The following NELL1 variants were observed in gnomAD, a reference collection of about 807,000 sequenced individuals.
The protein encoded by NELL1 is neural EGFL like 1, also known as protein kinase C-binding protein NELL1.
Under a neutral mutation model 107.4 loss-of-function variants are expected in NELL1, and 76 were observed. That is an observed-to-expected ratio of 0.71 (90% CI 0.59 to 0.86). The LOEUF is 0.86. NELL1 is among the 40% of genes least tolerant of loss of function. NELL1 has a pLI of 0.00. For missense variants in NELL1, 1,024 were observed against 1,005.5 expected (o/e 1.02, Z -0.25); for synonymous variants, 353 against 341.2 (o/e 1.03, Z -0.38).
At chr11:21,481,150 G>T (rs1339569792) in intron 15 of NELL1, among the ~76,000 whole-genome samples, 1 of 152,184 alleles carries the variant, frequency 6.6e-6, no homozygotes, top group African/African-American at 2.4e-5. Context: ...GTTTAATGCA[G>T]AATCAAACTG....
chr11:21,049,874 C>T (rs1362771687), intron 12 of NELL1, among the ~76,000 whole-genome samples: 1 of 152,102 alleles, frequency 6.6e-6, no homozygotes, highest in Non-Finnish European at 1.5e-5. Flanking sequence ...GACGGTGTTT[C>T]ACCATATTGG....
chr11:20,936,982 G>C lies in NELL1; in HGVS notation c.998-804G>C, dbSNP rs72937296. On this transcript the variant is annotated intron_variant, in intron 9 of 19. Coordinates refer to ENST00000357134, the MANE Select transcript of NELL1 (RefSeq NM_006157.5). ...GCTAGAAGGGTCCTCATCAGGGCAG[G>C]AGAGGGAGTGACCAGATACTTGCTT... 3.3e-3 allele frequency among the ~76,000 whole-genome samples: 503 copies of C among 152,024 alleles called. 4 individuals are homozygous for C. The highest frequency in any genetic ancestry group is 3.2e-3 in the Non-Finnish European group (219 of 67,950).
At chr11:20,678,202 G>T in intron 2 of NELL1, 142 bp downstream of exon 2, 1 of 914,486 alleles carries the variant, frequency 1.1e-6, no homozygotes, top group South Asian at 1.5e-5. Context: ...AGATATGCAG[G>T]GGGTATTATT....
intron 14 of NELL1, among the ~76,000 whole-genome samples, chr11:21,289,158 T>G (rs1435348870): frequency 6.6e-6 from 1 of 152,216 alleles, no homozygotes; most frequent in Non-Finnish European, 1.5e-5. Flanking sequence ...AGGAGCACTA[T>G]TGATGTGACC....
chr11:21,459,357 C>CAA (rs59022976), intron 15 of NELL1, among the ~76,000 whole-genome samples: 2 of 124,602 alleles, frequency 1.6e-5, no homozygotes, highest in Non-Finnish European at 3.3e-5. Flanking sequence ...TGTTCACTAG[C>CAA]AAAAAAAAAA....
intron 15 of NELL1, among the ~76,000 whole-genome samples, chr11:21,432,665 A>G (rs1852995915): frequency 6.6e-6 from 1 of 152,146 alleles, no homozygotes; most frequent in Admixed American, 6.5e-5. Flanking sequence ...GGAAATAGAG[A>G]TCTATTCTGA....
chr11:20,833,645 A>C (rs1858060578), intron 3 of NELL1, among the ~76,000 whole-genome samples: 1 of 152,204 alleles, frequency 6.6e-6, no homozygotes. Flanking sequence ...GTACAGAGAT[A>C]GCTGTGAAGG....
chr11:21,217,808 C>T (rs1165819735), intron 13 of NELL1, among the ~76,000 whole-genome samples: 1 of 152,128 alleles, frequency 6.6e-6, no homozygotes, highest in Non-Finnish European at 1.5e-5. Context: ...TTTGTAGCCA[C>T]AGTAGAAATG....
At chr11:21,180,001 G>A (rs1008626009) in intron 13 of NELL1, among the ~76,000 whole-genome samples, 4 of 133,938 alleles carry the variant, frequency 3.0e-5, no homozygotes, top group African/African-American at 1.1e-4. Flanking sequence ...TAAACAAATG[G>A]GTCTGGCTGT....
intron 15 of NELL1, among the ~76,000 whole-genome samples, chr11:21,441,011 T>C (rs1331125074): frequency 1.3e-5 from 2 of 152,134 alleles, no homozygotes; most frequent in African/African-American, 4.8e-5. Flanking sequence ...AGGTGTTATT[T>C]ATATTTAGTT....
chr11:20,834,147 A>C (rs1184676902), intron 3 of NELL1, among the ~76,000 whole-genome samples: 2 of 152,136 alleles, frequency 1.3e-5, no homozygotes, highest in Non-Finnish European at 2.9e-5. Context: ...AGTTGCTAGT[A>C]GTAGATGTTG....
intron 15 of NELL1, among the ~76,000 whole-genome samples, chr11:21,443,567 G>A (rs957481311): frequency 1.3e-5 from 2 of 151,846 alleles, no homozygotes; most frequent in Non-Finnish European, 2.9e-5. Flanking sequence ...AATGGAAATG[G>A]GAGTTTATTG....
chr11:20,863,202 G>C (rs1209123358), intron 4 of NELL1, among the ~76,000 whole-genome samples: 2 of 119,978 alleles, frequency 1.7e-5, no homozygotes, highest in African/African-American at 3.9e-5. Flanking sequence ...CTCACCTCCC[G>C]GACGGGGCCG....
intron 13 of NELL1, among the ~76,000 whole-genome samples, chr11:21,210,821 C>G (rs1857482773): frequency 6.6e-6 from 1 of 152,096 alleles, no homozygotes; most frequent in South Asian, 2.1e-4. Context: ...TTTTTAAGCT[C>G]TTCTCTTTAG....
At chr11:21,282,639 A>G (rs1406594315) in intron 14 of NELL1, among the ~76,000 whole-genome samples, 1 of 152,166 alleles carries the variant, frequency 6.6e-6, no homozygotes, top group Non-Finnish European at 1.5e-5. Flanking sequence ...CTGAAAATAG[A>G]GCCACCATAG....
intron 14 of NELL1, among the ~76,000 whole-genome samples, chr11:21,274,474 A>G (rs893603287): frequency 3.3e-5 from 5 of 152,222 alleles, no homozygotes; most frequent in African/African-American, 4.8e-5. Flanking sequence ...CCCACTGTCA[A>G]CATTAGACAG....
intron 14 of NELL1, among the ~76,000 whole-genome samples, chr11:21,259,280 G>A (rs1274576075): frequency 2.0e-5 from 3 of 151,838 alleles, no homozygotes; most frequent in Non-Finnish European, 1.5e-5. Flanking sequence ...TGTGCTTTAA[G>A]GGAGCCATTA....
chr11:21,339,932 G>A (rs375203538), intron 14 of NELL1, among the ~76,000 whole-genome samples: 7 of 152,108 alleles, frequency 4.6e-5, no homozygotes, highest in Admixed American at 6.5e-5. Context: ...TAAATGCTCC[G>A]TGAGGCAAAC....
chr11:20,703,050 A>G (rs928198302), intron 2 of NELL1, among the ~76,000 whole-genome samples: 8 of 151,994 alleles, frequency 5.3e-5, no homozygotes, highest in Non-Finnish European at 8.8e-5. Flanking sequence ...TCTTTTTTCT[A>G]TTGATTGAAA....
Sources: gnomAD v4.1 joint callset for allele counts (sites outside exome capture counted in the v4.1 genomes callset) on GRCh38, gnomAD v4.1.1 for gene constraint, MANE v1.5 for transcripts, NCBI Gene and HGNC (gene_info 2026-07-23, HGNC 2026-07-21) for gene names.